RAPH1: variants seen among roughly 807,000 people sequenced by gnomAD.
The protein encoded by RAPH1 is ras-associated and pleckstrin homology domains-containing protein 1.
RAPH1 carries 18 observed loss-of-function variants against 88.1 expected under a neutral mutation model. The ratio of observed to expected loss-of-function variants is 0.20; its 90% CI spans 0.14 to 0.30. The LOEUF is 0.30. RAPH1 is among the 10% of genes least tolerant of loss of function. The pLI is 1.00. For missense variants in RAPH1, 1,448 were observed against 1,543.2 expected, an observed-to-expected ratio of 0.94 and a Z score of 1.03; for synonymous variants, 587 against 559.0, an observed-to-expected ratio of 1.05 and a Z score of -0.71.
chr2:203,446,098 G>GT (rs1383035212), intron 12 of RAPH1: 5 of 152,146 alleles, frequency 3.3e-5, no homozygotes, highest in Admixed American at 3.3e-4. Flanking sequence ...GATTTCACTA[G>GT]TTTTTCCCTC....
chr2:203,511,739 T>C (rs1689350242), intron 1 of RAPH1, among the ~76,000 whole-genome samples: 1 of 152,144 alleles, frequency 6.6e-6, no homozygotes, highest in African/African-American at 2.4e-5. Flanking sequence ...ACCTGTGAGT[T>C]CTCTTTCAGT....
rs142683277 is a variant in RAPH1 at position 203,519,943 on chromosome 2, G to C, written c.-1+15168C>G. On this transcript the variant is annotated intron_variant, in intron 1 of 13. Coordinates refer to ENST00000319170, the MANE Select transcript of RAPH1 (RefSeq NM_213589.3). Reference sequence around the variant, plus strand: ...TAACCTTACAGTGAGTGAATAAACAGAAACAGTGCTTTTAGTCAAAATTCT... The same window carrying C: ...TAACCTTACAGTGAGTGAATAAACACAAACAGTGCTTTTAGTCAAAATTCT... Among the ~76,000 whole-genome samples the C allele has an allele frequency of 1.4e-4, 21 of 152,298 alleles. 1 individual carries two copies. The highest frequency in any genetic ancestry group is 5.1e-4 in the African/African-American group (21 of 41,570).
chr2:203,447,972 A>C lies in RAPH1; in HGVS notation c.1620T>G (p.Ser540=). 1 of 1,613,964 alleles carries C rather than the reference A, an allele frequency of 6.2e-7. No homozygotes were observed. Among genetic ancestry groups the C allele is most frequent in the Non-Finnish European group, 8.5e-7 (1 of 1,179,908 alleles). ...SSSSIKSGSS[S]SSIPESQSNH... ...ATTTTGAACTACCTGGGATGCTGGA[A>C]GAACTGGATCCCGATTTAATGCTGG... is the stretch of plus-strand genomic sequence containing the variant. Residue 540 remains serine, a synonymous_variant, in exon 12 of 14, where the codon TCT becomes TCG. Coordinates refer to ENST00000319170, the MANE Select transcript of RAPH1 (RefSeq NM_213589.3).
intron 1 of RAPH1, among the ~76,000 whole-genome samples, chr2:203,534,520 C>T (rs998379236): frequency 7.0e-5 from 8 of 114,158 alleles, no homozygotes; most frequent in Non-Finnish European, 1.2e-4. Context: ...CCCCCCCCCC[C>T]CCCCATGAAT....
intron 4 of RAPH1, among the ~76,000 whole-genome samples, chr2:203,486,462 G>A (rs1290741815): frequency 6.6e-6 from 1 of 152,128 alleles, no homozygotes; most frequent in Non-Finnish European, 1.5e-5. Context: ...CCATCTTCTG[G>A]AGTAGAGTGA....
intron 1 of RAPH1, among the ~76,000 whole-genome samples, chr2:203,503,015 G>A (rs1014086007): frequency 6.6e-6 from 1 of 151,526 alleles, no homozygotes; most frequent in African/African-American, 2.4e-5. Flanking sequence ...TGGCTGGCAG[G>A]CACCTGTAAT....
chr2:203,471,867 A>G (rs2098533446), intron 4 of RAPH1, among the ~76,000 whole-genome samples: 1 of 151,892 alleles, frequency 6.6e-6, no homozygotes, highest in South Asian at 2.1e-4. Flanking sequence ...GGACATATTC[A>G]TCAAGATTAG....
chr2:203,528,130 A>C (rs1353778202), intron 1 of RAPH1, among the ~76,000 whole-genome samples: 1 of 152,206 alleles, frequency 6.6e-6, no homozygotes, highest in African/African-American at 2.4e-5. Context: ...TTTCTGTTGT[A>C]AGTGGCTGTG....
intron 1 of RAPH1, among the ~76,000 whole-genome samples, chr2:203,508,495 G>C (rs1356346967): frequency 6.6e-6 from 1 of 151,990 alleles, no homozygotes; most frequent in Non-Finnish European, 1.5e-5. Flanking sequence ...TTTTCCCTTG[G>C]CACCAGGGGG....
chr2:203,486,093 C>CAAAAA (rs59599120), intron 4 of RAPH1, among the ~76,000 whole-genome samples: 1 of 121,862 alleles, frequency 8.2e-6, no homozygotes, highest in Non-Finnish European at 1.7e-5. Flanking sequence ...CTGAAGACTA[C>CAAAAA]AAAAAAAAAA....
chr2:203,472,428 A>G (rs2098533999), intron 4 of RAPH1, among the ~76,000 whole-genome samples: 1 of 152,288 alleles, frequency 6.6e-6, no homozygotes, highest in Non-Finnish European at 1.5e-5. Flanking sequence ...CACTGTGCCC[A>G]GCCACGTTTC....
At chr2:203,496,195 C>A (rs1688505973) in intron 1 of RAPH1, among the ~76,000 whole-genome samples, 1 of 151,906 alleles carries the variant, frequency 6.6e-6, no homozygotes, top group Admixed American at 6.6e-5. Flanking sequence ...CCCGTCTCTA[C>A]TAAAAATACA....
rs1381982880 is a variant in RAPH1, at chr2:203,448,552, T to C, written c.1512+186A>G. ...GCAATATTATTCCAAGTATACCAAA[T>C]GTTAAAAGTTTATCCCTATAAACAA... On this transcript the variant is annotated intron_variant, in intron 11 of 13. Coordinates refer to ENST00000319170, the MANE Select transcript of RAPH1 (RefSeq NM_213589.3). This position sits in a 1 kb window ranked among gnomAD's most constrained non-coding sequence, Gnocchi z 4.1. Among the ~76,000 whole-genome samples the C allele has an allele frequency of 1.3e-5, 2 of 152,192 alleles. No homozygotes were observed. Among genetic ancestry groups the C allele is most frequent in the Admixed American group, 6.5e-5 (1 of 15,268 alleles).
chr2:203,494,017 ATCCCCCC>A (rs1688399342), intron 2 of RAPH1, among the ~76,000 whole-genome samples: 50 of 129,630 alleles, frequency 3.9e-4, no homozygotes, highest in Middle Eastern at 4.2e-3. Flanking sequence ...AAAAAAAAAA[ATCCCCCC>A]AAAATACAGT....
At chr2:203,511,679 T>TCAA (rs1449234533) in intron 1 of RAPH1, among the ~76,000 whole-genome samples, 47 of 152,228 alleles carry the variant, frequency 3.1e-4, no homozygotes, top group African/African-American at 9.2e-4. Flanking sequence ...CAAAATTCTC[T>TCAA]ACCTTCTTTA....
chr2:203,454,195 C>A (rs1056761057), intron 10 of RAPH1, among the ~76,000 whole-genome samples: 4 of 152,172 alleles, frequency 2.6e-5, no homozygotes, highest in Non-Finnish European at 4.4e-5. Flanking sequence ...TTTTATATCT[C>A]ACAACTCAAA....
chr2:203,440,041 G>T lies in RAPH1; in HGVS notation c.3149C>A (p.Ala1050Asp). 1 of 1,613,666 alleles carries T rather than the reference G, an allele frequency of 6.2e-7. No homozygotes were observed. Among genetic ancestry groups the T allele is most frequent in the Non-Finnish European group, 8.5e-7 (1 of 1,179,986 alleles). Reference sequence around the variant, plus strand: ...CTTTCCACGCCCACTCAGAACAGGGGCTTTTGCTGACACACACCCTTGTTG... The same window carrying T: ...CTTTCCACGCCCACTCAGAACAGGGTCTTTTGCTGACACACACCCTTGTTG... ...VLQQGCVSAK[A>D]PVLSGRGKDS... The change falls in exon 14 of 14, where the codon GCC (alanine) becomes GAC (aspartate). Residue 1050 changes from alanine (A) to aspartate (D), a missense_variant. By Grantham distance (126) the Ala-to-Asp change is moderately radical (BLOSUM62 -2). Coordinates refer to ENST00000319170, the MANE Select transcript of RAPH1 (RefSeq NM_213589.3).
At chr2:203,442,326 G>A (rs538725237) in intron 13 of RAPH1, 10 of 357,526 alleles carry the variant, frequency 2.8e-5, no homozygotes, top group African/African-American at 1.7e-4. Context: ...TTGAAAAGAG[G>A]AAAGGAAGGA....
In RAPH1 at chr2:203,445,441, C is replaced by T. The variant is rs116339205; in HGVS notation, c.1634-431G>A. Reference sequence around the variant, plus strand: ...AGAATTGTAACTTAGGAATTCGGATCTATACACAATGATTATTTCCTTTTT... The same window carrying T: ...AGAATTGTAACTTAGGAATTCGGATTTATACACAATGATTATTTCCTTTTT... On this transcript the variant is annotated intron_variant, in intron 12 of 13. Coordinates refer to ENST00000319170, the MANE Select transcript of RAPH1 (RefSeq NM_213589.3). 5.4e-3 allele frequency: 861 copies of T among 158,092 alleles called. 11 individuals are homozygous for T. Among genetic ancestry groups the T allele is most frequent in the African/African-American group, 0.019 (808 of 41,662 alleles). 9.8% of individuals were successfully genotyped at this position (158,092 alleles called of 1,614,324 possible).
Sources: allele counts gnomAD v4.1 joint callset (sites outside exome capture counted in the v4.1 genomes callset), GRCh38; gene constraint gnomAD v4.1.1; non-coding constraint Gnocchi (gnomAD v3.1); transcripts MANE v1.5; gene names NCBI Gene and HGNC (gene_info 2026-07-23, HGNC 2026-07-21).